SVIP: variants seen among roughly 807,000 people sequenced by gnomAD.
The protein encoded by SVIP is small VCP interacting protein, also known as small VCP/p97-interacting protein.
In SVIP, 14 loss-of-function variants were observed where a neutral mutation model predicts 12.9. The observed-to-expected ratio is 1.08, with a 90% CI of 0.72 to 1.70. The LOEUF is 1.70. Ranked by LOEUF, SVIP falls within the 40% of genes most tolerant of loss-of-function variation. The probability of loss-of-function intolerance (pLI) is 0.00; values close to 1 mark genes in which losing one functional copy is unlikely to be tolerated. For synonymous variants in SVIP, 35 were observed against 33.3 expected (o/e 1.05, Z -0.17); for missense variants, 93 against 90.8 (o/e 1.02, Z -0.10).
intron 1 of SVIP, among the ~76,000 whole-genome samples, chr11:22,828,701 C>T (rs1387098783): frequency 6.6e-6 from 1 of 151,926 alleles, no homozygotes; most frequent in Non-Finnish European, 1.5e-5. Context: ...TTATCGACAG[C>T]CAGAACAACA....
At chr11:22,828,050 C>A (rs545871231) in intron 1 of SVIP, among the ~76,000 whole-genome samples, 176 bp from the exon 2 acceptor site, 2 of 152,242 alleles carry the variant, frequency 1.3e-5, no homozygotes, top group South Asian at 4.1e-4. Flanking sequence ...AATCAATATG[C>A]CTTCAAATCA....
chr11:22,821,143 T>C lies in SVIP; in HGVS notation c.*1976A>G, dbSNP rs1857471015. ...ACATATATAATATATATATTATATA[T>C]ATATATAATTTTTTAGTCATGTTTT... On this transcript the variant is annotated 3_prime_UTR_variant, in exon 4 of 4. Transcript: ENST00000354193. 1 of 147,802 alleles carries C rather than the reference T, an allele frequency of 6.8e-6. No individual in the cohort carries two copies. Among genetic ancestry groups the C allele is most frequent in the African/African-American group, 2.5e-5 (1 of 40,682 alleles). The allele number at this position is 147,802 out of a possible 1,614,324, so 9.2% of individuals were successfully genotyped here. A position where few individuals can be genotyped will look rare whatever the true frequency, so the allele number is the denominator to read the frequency against.
intron 2 of SVIP, 110 bp from the exon 3 acceptor site, chr11:22,827,430 T>C (rs1444972812): frequency 1.9e-5 from 16 of 860,314 alleles, no homozygotes; most frequent in Non-Finnish European, 2.8e-5. Context: ...GGGTAGGGAG[T>C]TGGTTTATTT....
At position 22,821,832 on chromosome 11, in the gene SVIP, T is replaced by C. The variant is rs1435860288; in HGVS notation, c.*1287A>G. 6.6e-6 allele frequency: 1 copy of C among 152,198 alleles called. No homozygotes were observed. Among genetic ancestry groups the C allele is most frequent in the Non-Finnish European group, 1.5e-5 (1 of 68,024 alleles). 9.4% of individuals were successfully genotyped at this position (152,198 alleles called of 1,614,324 possible). On this transcript the variant is annotated 3_prime_UTR_variant, in exon 4 of 4. Coordinates refer to ENST00000354193, the MANE Select transcript of SVIP (RefSeq NM_148893.3). ...TCCATGAGAAGTCAAGAGACCTGTA[T>C]TATATAATAGTTCAAACTTTTAAAA...
chr11:22,829,626 C>T (rs2286811), intron 1 of SVIP, 69 bp downstream of exon 1: 439,643 of 1,479,500 alleles, frequency 0.3, 67,868 homozygotes, highest in East Asian at 0.44. Context: ...AATGGCTCGG[C>T]CCGCCCCGCA....
intron 3 of SVIP, among the ~76,000 whole-genome samples, chr11:22,826,247 G>A (rs908028670): frequency 3.9e-5 from 6 of 152,052 alleles, no homozygotes; most frequent in African/African-American, 1.4e-4. Context: ...ATATTCTTGA[G>A]CCAGAATCAA....
chr11:22,827,145 T>C, intron 3 of SVIP, 62 bp downstream of exon 3: 1 of 1,250,470 alleles, frequency 8.0e-7, no homozygotes, highest in South Asian at 1.2e-5. Flanking sequence ...ATGAATGGAT[T>C]GCTACTTAAG....
chr11:22,827,652 A>G (rs1361653442), intron 2 of SVIP, among the ~76,000 whole-genome samples, 172 bp downstream of exon 2: 1 of 152,062 alleles, frequency 6.6e-6, no homozygotes, highest in Non-Finnish European at 1.5e-5. Flanking sequence ...ATATAAATAT[A>G]TTAATGCAAT....
rs1196377223 is a variant in SVIP, at chr11:22,821,358, C to A, written c.*1761G>T. The A allele has an allele frequency of 1.3e-5, 2 of 151,784 alleles. No individual in the cohort carries two copies. The highest frequency in any genetic ancestry group is 4.8e-5 in the African/African-American group (2 of 41,310). The allele number at this position is 151,784 out of a possible 1,614,324, so 9.4% of individuals were successfully genotyped here. ...AGGCCATGGTTGGAAGTAACATGTT[C>A]CACTTTTCACGAAAAGTAATAGATC... On this transcript the variant is annotated 3_prime_UTR_variant, in exon 4 of 4. Coordinates refer to ENST00000354193, the MANE Select transcript of SVIP (RefSeq NM_148893.3).
At position 22,823,062 on chromosome 11, in the gene SVIP, C is replaced by T. The variant is rs1462845706; in HGVS notation, c.*57G>A. 2 of 1,448,676 alleles carry T rather than the reference C, an allele frequency of 1.4e-6. No individual in the cohort carries two copies. The highest frequency in any genetic ancestry group is 1.4e-5 in the African/African-American group (1 of 69,746). The allele number at this position is 1,448,676 out of a possible 1,614,324, so 89.7% of individuals were successfully genotyped here. ...GAAGAAATTAAATTGATGAAGCCCA[C>T]TTGATTGCAGATAATAAACAGTTAT... On this transcript the variant is annotated 3_prime_UTR_variant, in exon 4 of 4. Transcript: ENST00000354193.
At chr11:22,829,455 G>C (rs1478612204) in intron 1 of SVIP, 1 of 431,606 alleles carries the variant, frequency 2.3e-6, no homozygotes, top group Admixed American at 4.3e-5. Context: ...GTAGAAAGAC[G>C]CCACAGCCGC....
chr11:22,829,482 G>A (rs1446900886), intron 1 of SVIP: 1 of 420,470 alleles, frequency 2.4e-6, no homozygotes, highest in Non-Finnish European at 4.1e-6. Flanking sequence ...ACAACTTTTT[G>A]TTACAAAAGT....
intron 3 of SVIP, 42 bp from the exon 4 acceptor site, chr11:22,823,175 G>A: frequency 2.0e-6 from 3 of 1,465,708 alleles, no homozygotes; most frequent in Non-Finnish European, 2.8e-6. Context: ...AATTTTACTT[G>A]AAGTTATATA....
intron 3 of SVIP, among the ~76,000 whole-genome samples, chr11:22,825,780 C>A (rs1857675848): frequency 1.3e-5 from 2 of 152,062 alleles, no homozygotes; most frequent in Non-Finnish European, 2.9e-5. Flanking sequence ...GAAGTGTCTT[C>A]TTAATTATGA....
Position 22,829,473 on chromosome 11 carries a change from C to A in SVIP, c.54+222G>T, listed in dbSNP as rs148803644. The A allele has an allele frequency of 3.7e-4, 145 of 393,656 alleles. No homozygotes were observed. In the African/African-American group the frequency reaches 3.9e-3, roughly 11 times the overall value. 24.4% of individuals were successfully genotyped at this position (393,656 alleles called of 1,614,324 possible). ...GAAAGACGCCACAGCCGCCTTTCGA[C>A]AACTTTTTGTTACAAAAGTGGAGAT... On this transcript the variant is annotated intron_variant, in intron 1 of 3. Transcript: ENST00000354193.
At position 22,821,339 on chromosome 11, in the gene SVIP, T is replaced by G. The variant is rs1041884125; in HGVS notation, c.*1780A>C. The G allele has an allele frequency of 7.0e-4, 107 of 152,070 alleles. No individual in the cohort carries two copies. The highest frequency in any genetic ancestry group is 2.5e-3 in the African/African-American group (105 of 41,520). The allele number at this position is 152,070 out of a possible 1,614,324, so 9.4% of individuals were successfully genotyped here. A position where few individuals can be genotyped will look rare whatever the true frequency, so the allele number is the denominator to read the frequency against. ...TGATCACACTCACGGTGACAGGCCA[T>G]GGTTGGAAGTAACATGTTCCACTTT... On this transcript the variant is annotated 3_prime_UTR_variant, in exon 4 of 4. Coordinates refer to ENST00000354193, the MANE Select transcript of SVIP (RefSeq NM_148893.3).
rs923920020 is a variant in SVIP, at chr11:22,822,972, G to A, written c.*147C>T. On this transcript the variant is annotated 3_prime_UTR_variant, in exon 4 of 4. Coordinates refer to ENST00000354193, the MANE Select transcript of SVIP (RefSeq NM_148893.3). ...CCATTCTCTAAGCTTGAAAATCAAC[G>A]TTTTTTTAGCATTGCACTTAAGGGC... is the stretch of plus-strand genomic sequence containing the variant. 9 of 630,076 alleles carry A rather than the reference G, an allele frequency of 1.4e-5. No individual in the cohort carries two copies. Among genetic ancestry groups the A allele is most frequent in the African/African-American group, 1.1e-4 (6 of 52,902 alleles). 39.0% of individuals were successfully genotyped at this position (630,076 alleles called of 1,614,324 possible).
In SVIP at chr11:22,827,914, A is replaced by G. The variant is rs1210177765; in HGVS notation, c.55-40T>C. 4.5e-6 allele frequency: 6 copies of G among 1,347,766 alleles called. No homozygotes were observed. The African/African-American group carries it at 9.0e-5, about 20-fold the overall frequency. 83.5% of individuals were successfully genotyped at this position (1,347,766 alleles called of 1,614,324 possible). A position where few individuals can be genotyped will look rare whatever the true frequency, so the allele number is the denominator to read the frequency against. Reference sequence around the variant, plus strand: ...AAAAATATGTATTAAAATAACAAACATTATTATTAATAAATTATTCACATT... The same window carrying G: ...AAAAATATGTATTAAAATAACAAACGTTATTATTAATAAATTATTCACATT... On this transcript the variant is annotated intron_variant, in intron 1 of 3. Coordinates refer to ENST00000354193, the MANE Select transcript of SVIP (RefSeq NM_148893.3).
rs1391744561 is a variant in SVIP at position 22,827,852 on chromosome 11, G to A, written c.77C>T (p.Ala26Val). The part of the protein sequence containing the change: ...PDLEEKRAKL[A>V]EAAERRQKEA... The stretch of plus-strand genomic sequence containing the variant: ...TTTTTGTCTTCTCTCTGCAGCCTCT[G>A]CAAGCTTTGCTCTTTTCTCTTCCTA... Residue 26 changes from alanine to valine, a missense_variant, in exon 2 of 4, where the codon GCA becomes GTA. Physicochemically the swap from Ala to Val is moderately conservative, Grantham distance 64. Transcript: ENST00000354193. 2 of 1,581,190 alleles carry A rather than the reference G, an allele frequency of 1.3e-6. No homozygotes were observed. Among genetic ancestry groups the A allele is most frequent in the Non-Finnish European group, 1.7e-6 (2 of 1,165,078 alleles).
Sources: gnomAD v4.1 joint callset for allele counts (sites outside exome capture counted in the v4.1 genomes callset) on GRCh38, gnomAD v4.1.1 for gene constraint, MANE v1.5 for transcripts, NCBI Gene and HGNC (gene_info 2026-07-23, HGNC 2026-07-21) for gene names.